The following BBS9 variants were observed in gnomAD, a reference collection of about 807,000 sequenced individuals.
BBS9 encodes the protein Bardet-Biedl syndrome 9.
BBS9 carries 89 observed loss-of-function variants against 117.7 expected under a neutral mutation model. That is an observed-to-expected ratio of 0.76 (90% CI 0.64 to 0.90). The LOEUF is 0.90. Among genes scored for constraint, BBS9 ranks in the 40% least tolerant of loss-of-function variants. The pLI is 0.00. For synonymous variants in BBS9, 379 were observed against 370.9 expected (o/e 1.02, Z -0.25); for missense variants, 982 against 1,042.2 (o/e 0.94, Z 0.80).
intron 5 of BBS9, among the ~76,000 whole-genome samples, chr7:33,221,160 A>G (rs943817469): frequency 6.6e-6 from 1 of 152,126 alleles, no homozygotes; most frequent in East Asian, 1.9e-4. Context: ...GTTTATACCT[A>G]GATAATTTGT....
At chr7:33,299,403 C>T (rs908488270) in intron 9 of BBS9, among the ~76,000 whole-genome samples, 3 of 151,794 alleles carry the variant, frequency 2.0e-5, no homozygotes, top group Non-Finnish European at 2.9e-5. Flanking sequence ...TTTGACTTGA[C>T]CCAATTATAA....
intron 9 of BBS9, among the ~76,000 whole-genome samples, chr7:33,277,611 G>A (rs1801004003): frequency 6.6e-6 from 1 of 152,174 alleles, no homozygotes; most frequent in African/African-American, 2.4e-5. Context: ...AGGCTCATAG[G>A]TTAGGGGTTT....
intron 21 of BBS9, among the ~76,000 whole-genome samples, chr7:33,575,923 T>G (rs1051281859): frequency 6.6e-6 from 1 of 152,054 alleles, no homozygotes; most frequent in Non-Finnish European, 1.5e-5. Context: ...ATAAGAGCTA[T>G]TTATGACAAT....
At chr7:33,234,238 T>C (rs1793042443) in intron 5 of BBS9, among the ~76,000 whole-genome samples, 1 of 152,098 alleles carries the variant, frequency 6.6e-6, no homozygotes, top group South Asian at 2.1e-4. Context: ...ACAGTGTGTG[T>C]ATAGGGTTTG....
intron 21 of BBS9, among the ~76,000 whole-genome samples, chr7:33,617,651 T>C (rs1865207466): frequency 6.6e-6 from 1 of 151,872 alleles, no homozygotes; most frequent in Non-Finnish European, 1.5e-5. Flanking sequence ...CTAAACAAAA[T>C]TGGGAAAACA....
intron 21 of BBS9, among the ~76,000 whole-genome samples, chr7:33,576,189 A>T (rs1366700005): frequency 6.6e-6 from 1 of 152,220 alleles, no homozygotes; most frequent in Non-Finnish European, 1.5e-5. Flanking sequence ...CCTTAAGCTG[A>T]TAAGCAGCTT....
At chr7:33,573,738 T>C (rs964500431) in intron 21 of BBS9, among the ~76,000 whole-genome samples, 3 of 152,180 alleles carry the variant, frequency 2.0e-5, no homozygotes, top group Non-Finnish European at 2.9e-5. Flanking sequence ...TGTTCCACCT[T>C]ATTTTTTATT....
At chr7:33,332,928 C>T (rs1288493832) in intron 9 of BBS9, among the ~76,000 whole-genome samples, 1 of 152,074 alleles carries the variant, frequency 6.6e-6, no homozygotes, top group Non-Finnish European at 1.5e-5. Context: ...ATTCATACTG[C>T]TGTGCAATCA....
chr7:33,500,436 T>TC (rs1254592042), intron 19 of BBS9, among the ~76,000 whole-genome samples: 2 of 152,342 alleles, frequency 1.3e-5, no homozygotes, highest in East Asian at 3.9e-4. Context: ...GCCCTTATCT[T>TC]CCCTTATTCA....
At chr7:33,597,654 G>A (rs1291969476) in intron 21 of BBS9, among the ~76,000 whole-genome samples, 1 of 151,798 alleles carries the variant, frequency 6.6e-6, no homozygotes, top group Non-Finnish European at 1.5e-5. Flanking sequence ...CAACTCACAA[G>A]CAAATCCATT....
chr7:33,371,124 C>T (rs1822783048), intron 17 of BBS9, among the ~76,000 whole-genome samples: 1 of 152,076 alleles, frequency 6.6e-6, no homozygotes, highest in Non-Finnish European at 1.5e-5. Flanking sequence ...GATGCACACC[C>T]TTTACTGATG....
At chr7:33,346,505 A>G (rs1817623563) in intron 12 of BBS9, 1 of 182,020 alleles carries the variant, frequency 5.5e-6, no homozygotes, top group Non-Finnish European at 1.2e-5. Flanking sequence ...TCAATGTTTT[A>G]TATTTTCTCC....
In BBS9 at chr7:33,505,516, A is replaced by G. The variant is rs1585052986; in HGVS notation, c.2169A>G (p.Ser723=). Residue 723 remains serine (S), a synonymous_variant, in exon 20 of 23, where the codon TCA becomes TCG. Transcript: ENST00000242067. ...VEENQGNLFQ[S]FTRLKSATHL... ...AAAACCAAGGCAATCTGTTCCAGTCATTCACCAGGCTGAAGAGTGCCACCC... is the reference window on the plus strand; with the variant it reads ...AAAACCAAGGCAATCTGTTCCAGTCGTTCACCAGGCTGAAGAGTGCCACCC... The G allele has an allele frequency of 1.2e-6, 2 of 1,614,184 alleles. No individual in the cohort carries two copies. Among genetic ancestry groups the G allele is most frequent in the Non-Finnish European group, 1.7e-6 (2 of 1,179,992 alleles).
chr7:33,555,089 AAAC>A (rs1855086606), intron 21 of BBS9, among the ~76,000 whole-genome samples: 1 of 152,204 alleles, frequency 6.6e-6, no homozygotes, highest in Non-Finnish European at 1.5e-5. Flanking sequence ...ATAAAGTTTT[AAAC>A]CTGTGTTGCT....
At chr7:33,170,843 G>C (rs889603958) in intron 4 of BBS9, among the ~76,000 whole-genome samples, 39 of 152,070 alleles carry the variant, frequency 2.6e-4, no homozygotes, top group Admixed American at 5.2e-4. Flanking sequence ...TGAGTGAACT[G>C]CCATTCACAA....
chr7:33,278,181 T>G (rs1266478155), intron 9 of BBS9, among the ~76,000 whole-genome samples: 2 of 152,224 alleles, frequency 1.3e-5, no homozygotes, highest in Non-Finnish European at 2.9e-5. Context: ...TGTTTCACTT[T>G]CGCCCTTTGA....
Position 33,292,980 on chromosome 7 carries a change from T to TGG in BBS9, c.1016+19026_1016+19027dup, listed in dbSNP as rs1388865922. ...GAGATCATGCCACTGCACTCCAGCC[T>TGG]GGGCAACAGAGTGAGACTCCGTCTC... On this transcript the variant is annotated intron_variant, in intron 9 of 22. Transcript: ENST00000242067. 4.1e-5 allele frequency among the ~76,000 whole-genome samples: 6 copies of TGG among 146,996 alleles called. No individual in the cohort carries two copies. In the East Asian group the frequency reaches 1.2e-3, roughly 29 times the overall value.
At chr7:33,610,659 C>T (rs984234860), downstream of BBS9, among the ~76,000 whole-genome samples, 5 of 152,078 alleles carry the variant, frequency 3.3e-5, no homozygotes, top group Non-Finnish European at 7.4e-5. Flanking sequence ...TGTTTCGACA[C>T]GACTTTTGGA....
chr7:33,420,683 G>A (rs1224856302), intron 19 of BBS9, among the ~76,000 whole-genome samples: 1 of 152,096 alleles, frequency 6.6e-6, no homozygotes, highest in Non-Finnish European at 1.5e-5. Flanking sequence ...ATGTTCCATG[G>A]AAACTTTTCC....
Sources: gnomAD v4.1 joint callset for allele counts (sites outside exome capture counted in the v4.1 genomes callset) on GRCh38, gnomAD v4.1.1 for gene constraint, MANE v1.5 for transcripts, NCBI Gene and HGNC (gene_info 2026-07-23, HGNC 2026-07-21) for gene names.